CDH18: variants seen among roughly 807,000 people sequenced by gnomAD.
CDH18 encodes the protein cadherin 18, also known as cadherin-18.
Under a neutral mutation model 67.9 loss-of-function variants are expected in CDH18, and 31 were observed. That is an observed-to-expected ratio of 0.46 (90% CI 0.34 to 0.62). The LOEUF is 0.62. CDH18 is among the 20% of genes least tolerant of loss of function. The pLI, the probability that CDH18 is intolerant of heterozygous loss-of-function variation, is 0.01. For synonymous variants in CDH18, 362 were observed against 347.2 expected (o/e 1.04, Z -0.48); for missense variants, 890 against 975.5 (o/e 0.91, Z 1.17).
intron 2 of CDH18, among the ~76,000 whole-genome samples, chr5:20,192,695 G>C (rs573132776): frequency 5.9e-5 from 9 of 152,078 alleles, no homozygotes; most frequent in Non-Finnish European, 1.2e-4. Context: ...TCTTTCTTCT[G>C]CTCCATTGGT....
At chr5:20,280,803 A>G (rs1172770306) in intron 1 of CDH18, among the ~76,000 whole-genome samples, 3 of 152,166 alleles carry the variant, frequency 2.0e-5, no homozygotes, top group Non-Finnish European at 4.4e-5. Context: ...ACAAGGGTTG[A>G]ACTAGTTTAC....
intron 1 of CDH18, among the ~76,000 whole-genome samples, chr5:20,507,541 T>C (rs1298101862): frequency 6.6e-6 from 1 of 152,106 alleles, no homozygotes; most frequent in African/African-American, 2.4e-5. Context: ...ACTTCTGTAA[T>C]GAAGAAATAA....
chr5:20,053,213 A>C (rs1580130682), intron 2 of CDH18, among the ~76,000 whole-genome samples: 1 of 151,614 alleles, frequency 6.6e-6, no homozygotes, highest in Non-Finnish European at 1.5e-5. Flanking sequence ...TATACATATA[A>C]ATGTGTCCAT....
chr5:19,766,194 C>T (rs1418054291), intron 3 of CDH18, among the ~76,000 whole-genome samples: 2 of 152,110 alleles, frequency 1.3e-5, no homozygotes, highest in Admixed American at 6.6e-5. Flanking sequence ...CTTTTTCAAT[C>T]GTAAAGTCCA....
In CDH18 at chr5:19,621,250, T is replaced by C. The variant is rs1750651858; in HGVS notation, c.644-8649A>G. On this transcript the variant is annotated intron_variant, in intron 5 of 12. Transcript: ENST00000382275. The stretch of plus-strand genomic sequence containing the variant: ...TTTTTTTTGGATGTAGAAATTGATG[T>C]TTCTGGATCATAAGGCAGTTCTATT... 2.0e-5 allele frequency among the ~76,000 whole-genome samples: 3 copies of C among 150,292 alleles called. No individual in the cohort carries two copies. The South Asian group carries it at 6.3e-4, about 32-fold the overall frequency.
intron 11 of CDH18, among the ~76,000 whole-genome samples, chr5:19,493,074 C>T (rs1315589848): frequency 6.6e-6 from 1 of 152,162 alleles, no homozygotes. Flanking sequence ...TAATCTACTA[C>T]TTACTGAAAA....
chr5:20,566,746 G>A (rs1758537628), intron 1 of CDH18, among the ~76,000 whole-genome samples: 1 of 151,866 alleles, frequency 6.6e-6, no homozygotes, highest in South Asian at 2.1e-4. Flanking sequence ...TTGTTTATCT[G>A]TAAGCTGTCA....
At chr5:20,244,940 CTGAGTT>C (rs1381389234) in intron 2 of CDH18, among the ~76,000 whole-genome samples, 6 of 152,206 alleles carry the variant, frequency 3.9e-5, no homozygotes, top group African/African-American at 1.2e-4. Flanking sequence ...GATTTAATGT[CTGAGTT>C]TAACTGCAAA....
chr5:20,034,084 G>A lies in CDH18; in HGVS notation c.-517-42070C>T, dbSNP rs182161951. 1.1e-3 allele frequency among the ~76,000 whole-genome samples: 168 copies of A among 152,080 alleles called. 1 individual carries two copies. Among genetic ancestry groups the A allele is most frequent in the Middle Eastern group, 0.01 (3 of 294 alleles). On this transcript the variant is annotated intron_variant, in intron 2 of 14. Transcript: ENST00000507958. Reference sequence around the variant, plus strand: ...CTGCATGCTATCATTTCTGAAGTGCGTTAGACACATATGTGGATGGAAATA... The same window carrying A: ...CTGCATGCTATCATTTCTGAAGTGCATTAGACACATATGTGGATGGAAATA...
At chr5:20,355,014 GC>G (rs1741497365) in intron 1 of CDH18, among the ~76,000 whole-genome samples, 1 of 152,156 alleles carries the variant, frequency 6.6e-6, no homozygotes, top group Non-Finnish European at 1.5e-5. Flanking sequence ...AAGGGTACCT[GC>G]CTGATCACCT....
chr5:20,043,123 T>C (rs1740595456), intron 2 of CDH18, among the ~76,000 whole-genome samples: 1 of 152,134 alleles, frequency 6.6e-6, no homozygotes. Flanking sequence ...CATGTCTGGC[T>C]ATTACCCACT....
intron 12 of CDH18, among the ~76,000 whole-genome samples, chr5:19,475,915 T>G (rs1400090790): frequency 1.3e-5 from 2 of 152,120 alleles, no homozygotes; most frequent in Non-Finnish European, 2.9e-5. Flanking sequence ...ACTTTTATCT[T>G]CACTTTTATC....
In CDH18 at chr5:20,326,096, C is replaced by T. The variant is rs1580756906; in HGVS notation, c.-579-70591G>A. On this transcript the variant is annotated intron_variant, in intron 1 of 14. Coordinates refer to the CDH18 transcript ENST00000507958. ...TACTCTTTCTGCAAGATCTCACTCT[C>T]AGTGATAGCTTTAATAACCATCTAA... is the stretch of plus-strand genomic sequence containing the variant. Among the ~76,000 whole-genome samples the T allele has an allele frequency of 3.3e-5, 5 of 152,200 alleles. 1 individual carries two copies.
intron 1 of CDH18, among the ~76,000 whole-genome samples, chr5:20,471,156 C>A (rs1391231507): frequency 6.6e-6 from 1 of 151,614 alleles, no homozygotes; most frequent in South Asian, 2.1e-4. Context: ...GGCTCCACTG[C>A]TAAGAGCAAG....
At chr5:20,471,833 T>TTAAAAAAAAAAAAAAAAAAAAAAAAAAA (rs757184101) in intron 1 of CDH18, among the ~76,000 whole-genome samples, 1 of 51,500 alleles carries the variant, frequency 1.9e-5, no homozygotes, top group African/African-American at 6.5e-5. Flanking sequence ...AGATTCAGTC[T>TTAAAAAAAAAAAAAAAAAAAAAAAAAAA]AAAAAAAAAA....
intron 2 of CDH18, among the ~76,000 whole-genome samples, chr5:20,053,476 C>G (rs1413143497): frequency 1.3e-5 from 2 of 152,094 alleles, no homozygotes; most frequent in African/African-American, 2.4e-5. Context: ...CTCTCCCCAT[C>G]TCAGCTTTCC....
chr5:20,166,364 C>G, intron 2 of CDH18, among the ~76,000 whole-genome samples: 1 of 145,136 alleles, frequency 6.9e-6, no homozygotes, highest in East Asian at 2.1e-4. Context: ...TCGCTTGAAC[C>G]TGGGGATGGA....
intron 1 of CDH18, among the ~76,000 whole-genome samples, chr5:20,344,454 CAGAA>C (rs1303709412): frequency 8.5e-5 from 13 of 152,066 alleles, no homozygotes; most frequent in Admixed American, 2.0e-4. Context: ...ATTCCCATGA[CAGAA>C]AGAGCCTCTG....
intron 1 of CDH18, among the ~76,000 whole-genome samples, chr5:20,283,629 G>C (rs1280558600): frequency 2.6e-5 from 4 of 151,996 alleles, no homozygotes; most frequent in African/African-American, 9.7e-5. Context: ...GTAGAGAAAA[G>C]GGAACCCTTG....
Sources: gnomAD v4.1 joint callset for allele counts (sites outside exome capture counted in the v4.1 genomes callset) on GRCh38, gnomAD v4.1.1 for gene constraint, MANE v1.5 for transcripts, NCBI Gene and HGNC (gene_info 2026-07-23, HGNC 2026-07-21) for gene names.